CD28: variants seen among roughly 807,000 people sequenced by gnomAD.
The protein encoded by CD28 is CD28 molecule.
A neutral mutation model predicts 21.4 loss-of-function variants in CD28; 8 were observed. The ratio of observed to expected loss-of-function variants is 0.37; its 90% CI spans 0.22 to 0.68. The LOEUF (loss-of-function observed/expected upper bound fraction) is 0.68, where lower values mean the gene tolerates loss of function less well. Ranked by LOEUF, CD28 falls within the 30% of genes least tolerant of loss-of-function variation. CD28 has a pLI of 0.55. For synonymous variants in CD28, 106 were observed against 104.0 expected (o/e 1.02, Z -0.12); for missense variants, 239 against 272.2 (o/e 0.88, Z 0.86).
intron 1 of CD28, among the ~76,000 whole-genome samples, chr2:203,721,161 A>G (rs1050425798): frequency 1.3e-5 from 2 of 152,264 alleles, no homozygotes; most frequent in Non-Finnish European, 2.9e-5. Context: ...TTTGAGAGCC[A>G]GCTAATTTAA....
chr2:203,711,025 G>T (rs1693297400), intron 1 of CD28, among the ~76,000 whole-genome samples: 1 of 152,160 alleles, frequency 6.6e-6, no homozygotes, highest in Admixed American at 6.6e-5. Context: ...CTGACTGAAT[G>T]GCTCTCTGGT....
chr2:203,710,126 A>G (rs114332589), intron 1 of CD28, among the ~76,000 whole-genome samples: 137 of 152,364 alleles, frequency 9.0e-4, no homozygotes, highest in African/African-American at 3.0e-3. Context: ...AGTAAGGTGA[A>G]AAGATGAATG....
At chr2:203,718,193 C>A (rs1267158897) in intron 1 of CD28, among the ~76,000 whole-genome samples, 1 of 152,108 alleles carries the variant, frequency 6.6e-6, no homozygotes, top group Admixed American at 6.5e-5. Flanking sequence ...ACTGTTGAGT[C>A]CCCCTTTCTT....
intron 1 of CD28, among the ~76,000 whole-genome samples, chr2:203,718,796 T>A (rs751073948): frequency 8.5e-5 from 13 of 152,254 alleles, no homozygotes; most frequent in Non-Finnish European, 1.3e-4. Flanking sequence ...GCCCTGAAGT[T>A]AAGGATTTTC....
At chr2:203,709,570 C>T (rs571955187) in intron 1 of CD28, among the ~76,000 whole-genome samples, 9 of 152,170 alleles carry the variant, frequency 5.9e-5, no homozygotes, top group Admixed American at 5.2e-4. Flanking sequence ...CTTAGATAAG[C>T]CCTTTGCATG....
chr2:203,717,174 A>G (rs1038287480), intron 1 of CD28, among the ~76,000 whole-genome samples: 1 of 152,092 alleles, frequency 6.6e-6, no homozygotes, highest in Admixed American at 6.6e-5. Context: ...TCAGGATTCT[A>G]TTTCTATTTA....
chr2:203,718,945 A>G (rs1229066593), intron 1 of CD28, among the ~76,000 whole-genome samples: 3 of 152,226 alleles, frequency 2.0e-5, no homozygotes, highest in Non-Finnish European at 4.4e-5. Context: ...AATTTATAAG[A>G]TTATTTGATG....
intron 1 of CD28, among the ~76,000 whole-genome samples, chr2:203,707,166 GTTTC>G (rs1274062026): frequency 4.6e-5 from 7 of 151,662 alleles, no homozygotes; most frequent in Non-Finnish European, 7.4e-5. Context: ...TTTATGTATC[GTTTC>G]TTTCTTTCTT....
chr2:203,738,423 A>G lies in CD28; in HGVS notation c.*3511A>G, dbSNP rs1240470822. The G allele has an allele frequency of 6.6e-6, 1 of 152,180 alleles. No individual in the cohort carries two copies. The highest frequency in any genetic ancestry group is 1.5e-5 in the Non-Finnish European group (1 of 68,040). The allele number at this position is 152,180 out of a possible 1,614,324, so 9.4% of individuals were successfully genotyped here. ...CCAGGATCTTGATTGCTATAGACTTATTAATAATCCAGGTCAAAGAGAGTG... is the reference window on the plus strand; with the variant it reads ...CCAGGATCTTGATTGCTATAGACTTGTTAATAATCCAGGTCAAAGAGAGTG... On this transcript the variant is annotated 3_prime_UTR_variant, in exon 4 of 4. Transcript: ENST00000324106.
intron 2 of CD28, among the ~76,000 whole-genome samples, chr2:203,729,265 A>T (rs374056613): frequency 4.6e-5 from 7 of 152,300 alleles, no homozygotes; most frequent in African/African-American, 1.7e-4. Context: ...GCTTGAAAAC[A>T]TGCATATTAT....
chr2:203,731,328 G>A (rs538604776), intron 3 of CD28, among the ~76,000 whole-genome samples: 1 of 152,316 alleles, frequency 6.6e-6, no homozygotes, highest in African/African-American at 2.4e-5. Context: ...GGTGTTTGCT[G>A]ATAATTTTCG....
chr2:203,726,163 A>C (rs1693742321), intron 1 of CD28, among the ~76,000 whole-genome samples: 1 of 152,176 alleles, frequency 6.6e-6, no homozygotes, highest in South Asian at 2.1e-4. Context: ...GTGAGCTGAG[A>C]TTGCACCACT....
chr2:203,734,306 A>T (rs942362047), intron 3 of CD28, among the ~76,000 whole-genome samples: 1 of 152,224 alleles, frequency 6.6e-6, no homozygotes, highest in Non-Finnish European at 1.5e-5. Flanking sequence ...TAGAACTGTA[A>T]ATTGCCATTA....
At chr2:203,708,659 T>A (rs530845253) in intron 1 of CD28, among the ~76,000 whole-genome samples, 2 of 152,364 alleles carry the variant, frequency 1.3e-5, no homozygotes, top group East Asian at 3.9e-4. Context: ...GCCTTTGTTT[T>A]CTACTTTGAC....
At chr2:203,715,869 C>T (rs1394107246) in intron 1 of CD28, among the ~76,000 whole-genome samples, 1 of 152,208 alleles carries the variant, frequency 6.6e-6, no homozygotes, top group African/African-American at 2.4e-5. Flanking sequence ...CTTGTTTGAC[C>T]CTTTCATACC....
At position 203,726,734 on chromosome 2, in the gene CD28, CG is replaced by C; in HGVS notation, c.157del (p.Ala53HisfsTer43). Reference protein sequence around the residue: ...YSYNLFSREFRASLHKGLDSA... With the variant: ...YSYNLFSREFXASLHKGLDSA... ...CTACAATCTCTTCTCAAGGGAGTTC[CG>C]GGCATCCCTTCACAAAGGACTGGAT... On this transcript the variant is annotated frameshift_variant, in exon 2 of 4. Transcript: ENST00000324106. LOFTEE classifies it high-confidence loss of function. The C allele has an allele frequency of 2.5e-6, 4 of 1,614,066 alleles. No homozygotes were observed. Among genetic ancestry groups the C allele is most frequent in the Non-Finnish European group, 3.4e-6 (4 of 1,180,022 alleles).
At chr2:203,718,874 T>C (rs7599185) in intron 1 of CD28, among the ~76,000 whole-genome samples, 138,509 of 152,262 alleles carry the variant, frequency 0.91, 63,057 homozygotes, top group East Asian at 0.99. Flanking sequence ...CCCTTTTGTA[T>C]ACTTGGGTAA....
intron 1 of CD28, among the ~76,000 whole-genome samples, chr2:203,717,107 A>G (rs561666913): frequency 6.6e-6 from 1 of 152,258 alleles, no homozygotes; most frequent in South Asian, 2.1e-4. Flanking sequence ...TCATCCTCCC[A>G]AAGTGCTAGG....
chr2:203,707,728 A>G (rs1693198234), intron 1 of CD28, among the ~76,000 whole-genome samples: 1 of 152,208 alleles, frequency 6.6e-6, no homozygotes, highest in African/African-American at 2.4e-5. Context: ...GGATTTGCCC[A>G]AGGATGTACA....
Sources: gnomAD v4.1 joint callset for allele counts (sites outside exome capture counted in the v4.1 genomes callset) on GRCh38, gnomAD v4.1.1 for gene constraint, MANE v1.5 for transcripts, NCBI Gene and HGNC (gene_info 2026-07-23, HGNC 2026-07-21) for gene names.